The following DAPP1 variants were observed in gnomAD, a reference collection of about 807,000 sequenced individuals.
The protein encoded by DAPP1 is dual adaptor of phosphotyrosine and 3-phosphoinositides 1.
A neutral mutation model predicts 41.5 loss-of-function variants in DAPP1; 20 were observed. The ratio of observed to expected loss-of-function variants is 0.48; its 90% CI spans 0.34 to 0.70. DAPP1 has a LOEUF of 0.70. Ranked by LOEUF, DAPP1 falls within the 30% of genes least tolerant of loss-of-function variation. The pLI is 0.01. For missense variants in DAPP1, 233 were observed against 333.4 expected (o/e 0.70, Z 2.35); for synonymous variants, 113 against 116.2 (o/e 0.97, Z 0.18).
At chr4:99,870,776 G>A (rs1724612076), downstream of DAPP1, among the ~76,000 whole-genome samples, 1 of 152,196 alleles carries the variant, frequency 6.6e-6, no homozygotes, top group Non-Finnish European at 1.5e-5. Context: ...TTCCCTCTGG[G>A]AAAATCCTGG....
intron 3 of DAPP1, among the ~76,000 whole-genome samples, chr4:99,842,427 C>T (rs756124756): frequency 9.9e-5 from 15 of 152,238 alleles, no homozygotes; most frequent in Admixed American, 2.6e-4. Flanking sequence ...GCTTTCGGCC[C>T]CTCGTGCTGA....
chr4:99,854,478 C>T (rs1198690372), intron 4 of DAPP1, among the ~76,000 whole-genome samples: 2 of 152,172 alleles, frequency 1.3e-5, no homozygotes, highest in East Asian at 3.8e-4. Flanking sequence ...ATCTGCAGTA[C>T]TTTTCTCTAC....
chr4:99,852,107 T>A (rs996951747), intron 3 of DAPP1, among the ~76,000 whole-genome samples: 48 of 152,316 alleles, frequency 3.2e-4, no homozygotes, highest in Non-Finnish European at 3.4e-4. Flanking sequence ...AAATATTTTT[T>A]AAATTTTTTT....
intron 1 of DAPP1, 84 bp downstream of exon 1, chr4:99,817,098 A>G (rs1722613881): frequency 2.0e-6 from 2 of 1,020,868 alleles, no homozygotes; most frequent in South Asian, 1.5e-5. Flanking sequence ...ATTAATGACT[A>G]TCTTCAGTGC....
intron 3 of DAPP1, among the ~76,000 whole-genome samples, chr4:99,847,691 C>A (rs1723711425): frequency 6.6e-6 from 1 of 152,164 alleles, no homozygotes; most frequent in Non-Finnish European, 1.5e-5. Context: ...TCCTGGAGTT[C>A]ATTTGGTCTG....
At chr4:99,852,540 C>G (rs1723900165) in intron 3 of DAPP1, among the ~76,000 whole-genome samples, 3 of 152,142 alleles carry the variant, frequency 2.0e-5, no homozygotes, top group Non-Finnish European at 4.4e-5. Context: ...TGGAGGCTCC[C>G]CTCTCCAGAT....
At chr4:99,819,706 TA>T (rs1333009002) in intron 1 of DAPP1, among the ~76,000 whole-genome samples, 1 of 152,020 alleles carries the variant, frequency 6.6e-6, no homozygotes, top group Non-Finnish European at 1.5e-5. Context: ...ATTTTTCAAT[TA>T]TTTTTAAGAG....
At chr4:99,843,088 A>G (rs1723550225) in intron 3 of DAPP1, among the ~76,000 whole-genome samples, 1 of 152,180 alleles carries the variant, frequency 6.6e-6, no homozygotes. Context: ...AGAATTGGAT[A>G]TTTCAGGCCA....
At chr4:99,851,395 C>T (rs907141944) in intron 3 of DAPP1, among the ~76,000 whole-genome samples, 3 of 151,924 alleles carry the variant, frequency 2.0e-5, no homozygotes, top group African/African-American at 7.3e-5. Context: ...AGATCAGACA[C>T]CCTCTTCTGG....
downstream of DAPP1, among the ~76,000 whole-genome samples, chr4:99,870,314 T>C (rs1235257681): frequency 6.8e-6 from 1 of 146,714 alleles, no homozygotes; most frequent in East Asian, 2.0e-4. Context: ...TAGTTGAATA[T>C]GGAGAAAACA....
intron 3 of DAPP1, among the ~76,000 whole-genome samples, chr4:99,851,296 A>G (rs543646851): frequency 6.6e-6 from 1 of 152,256 alleles, no homozygotes; most frequent in South Asian, 2.1e-4. Context: ...TAATGGCAAA[A>G]TCTGTTTTTC....
intron 3 of DAPP1, among the ~76,000 whole-genome samples, chr4:99,851,985 C>T (rs771990181): frequency 5.3e-5 from 8 of 152,156 alleles, no homozygotes; most frequent in Non-Finnish European, 8.8e-5. Flanking sequence ...TTTTCAAAGA[C>T]GCCCTTCCTG....
chr4:99,833,709 A>C (rs889308958), intron 1 of DAPP1, among the ~76,000 whole-genome samples: 16 of 152,254 alleles, frequency 1.1e-4, no homozygotes, highest in Non-Finnish European at 2.1e-4. Context: ...GGTCCCTAGC[A>C]GTCAGCAACT....
intron 1 of DAPP1, among the ~76,000 whole-genome samples, chr4:99,833,806 G>A (rs543026301): frequency 1.6e-4 from 25 of 152,206 alleles, no homozygotes; most frequent in Non-Finnish European, 2.8e-4. Flanking sequence ...ATGCCACAGA[G>A]GGTAAATTGA....
At chr4:99,824,615 C>A (rs1474151181) in intron 1 of DAPP1, among the ~76,000 whole-genome samples, 1 of 152,140 alleles carries the variant, frequency 6.6e-6, no homozygotes, top group Non-Finnish European at 1.5e-5. Context: ...CCTACACTAG[C>A]CCACAATGGT....
chr4:99,868,020 T>C (rs758672130), intron 8 of DAPP1, 97 bp from the exon 9 acceptor site: 1 of 1,056,874 alleles, frequency 9.5e-7, no homozygotes, highest in East Asian at 2.4e-5. Context: ...TTGTATGACA[T>C]CCTTACTAAT....
At chr4:99,842,241 C>G (rs1723518258) in intron 3 of DAPP1, among the ~76,000 whole-genome samples, 1 of 152,228 alleles carries the variant, frequency 6.6e-6, no homozygotes, top group South Asian at 2.1e-4. Context: ...GATTTGTCAT[C>G]CAGACTTCTA....
intron 1 of DAPP1, among the ~76,000 whole-genome samples, chr4:99,818,762 G>T (rs1722674969): frequency 6.6e-6 from 1 of 152,178 alleles, no homozygotes; most frequent in African/African-American, 2.4e-5. Flanking sequence ...ACATGAGGAT[G>T]ATTTCTATAG....
At chr4:99,826,284 T>A (rs1722934567) in intron 1 of DAPP1, among the ~76,000 whole-genome samples, 1 of 152,196 alleles carries the variant, frequency 6.6e-6, no homozygotes, top group Non-Finnish European at 1.5e-5. Context: ...GGGGTGTCAG[T>A]GTCATATAAA....
Sources: gnomAD v4.1 joint callset for allele counts (sites outside exome capture counted in the v4.1 genomes callset) on GRCh38, gnomAD v4.1.1 for gene constraint, MANE v1.5 for transcripts, NCBI Gene and HGNC (gene_info 2026-07-23, HGNC 2026-07-21) for gene names.